The following DYRK4 variants were observed in gnomAD, a reference collection of about 807,000 sequenced individuals.
DYRK4 encodes dual specificity tyrosine phosphorylation regulated kinase 4, also known as dual specificity tyrosine-phosphorylation-regulated kinase 4.
A neutral mutation model predicts 68.3 loss-of-function variants in DYRK4; 64 were observed. The observed-to-expected ratio is 0.94, with a 90% CI of 0.77 to 1.15. The LOEUF is 1.15. Ranked by LOEUF, DYRK4 falls within the 50% of genes most tolerant of loss-of-function variation. The pLI, the probability that DYRK4 is intolerant of heterozygous loss-of-function variation, is 0.00. For synonymous variants in DYRK4, 274 were observed against 289.9 expected, an observed-to-expected ratio of 0.95 and a Z score of 0.56; for missense variants, 740 against 764.7, an observed-to-expected ratio of 0.97 and a Z score of 0.38.
At chr12:4,564,838 A>C (rs1944660835) in intron 1 of DYRK4, among the ~76,000 whole-genome samples, 1 of 152,232 alleles carries the variant, frequency 6.6e-6, no homozygotes, top group Non-Finnish European at 1.5e-5. Flanking sequence ...AAAATGCAGG[A>C]TCACCATCTA....
In DYRK4 at chr12:4,577,033, G is replaced by A. The variant is rs563975345; in HGVS notation, c.132+8985G>A. On this transcript the variant is annotated intron_variant, in intron 2 of 14. Coordinates refer to ENST00000543431, the MANE Select transcript of DYRK4 (RefSeq NM_001394779.1). ...AAGCCCAGCGTATCCATTTTTTTCC[G>A]TCATGATCGTGCTTTTTTATTGTAG... Among the ~76,000 whole-genome samples the A allele has an allele frequency of 2.8e-4, 43 of 152,072 alleles. 1 individual carries two copies. The highest frequency in any genetic ancestry group is 9.6e-4 in the East Asian group (5 of 5,184).
intron 8 of DYRK4, 89 bp from the exon 9 acceptor site, chr12:4,598,939 A>G (rs1945048978): frequency 1.4e-6 from 2 of 1,479,742 alleles, no homozygotes; most frequent in Admixed American, 3.5e-5. Flanking sequence ...CTAGACGGAA[A>G]CCAGGTGATA....
intron 12 of DYRK4, among the ~76,000 whole-genome samples, chr12:4,608,358 C>G (rs1192150745): frequency 6.6e-6 from 1 of 152,166 alleles, no homozygotes. Context: ...GCCCTCCCAC[C>G]TCTGATTTTC....
rs1475323103 is a variant in DYRK4, at chr12:4,591,527, CG to C, written c.463+232del. On this transcript the variant is annotated intron_variant, in intron 5 of 14. Coordinates refer to ENST00000543431, the MANE Select transcript of DYRK4 (RefSeq NM_001394779.1). This position sits in a 1 kb window ranked among gnomAD's most constrained non-coding sequence, Gnocchi z 4.1. ...CCCAAGGAGTGGCTCTGGGCAAGGG[CG>C]GGATGTACCAATGCAGACAGAAGGA... The C allele has an allele frequency of 1.9e-6, 1 of 536,522 alleles. No individual in the cohort carries two copies. The highest frequency in any genetic ancestry group is 3.0e-5 in the East Asian group (1 of 33,298). 33.2% of individuals were successfully genotyped at this position (536,522 alleles called of 1,614,324 possible).
intron 12 of DYRK4, 56 bp from the exon 13 acceptor site, chr12:4,610,099 T>C (rs1591809724): frequency 2.0e-6 from 3 of 1,498,724 alleles, no homozygotes; most frequent in Non-Finnish European, 1.8e-6. Context: ...AGCAGCATCA[T>C]GTGACCACTA....
chr12:4,610,216 C>G lies in DYRK4; in HGVS notation c.1422C>G (p.Ser474=), dbSNP rs767940556. 10 of 1,601,094 alleles carry G rather than the reference C, an allele frequency of 6.2e-6. No individual in the cohort carries two copies. Among genetic ancestry groups the G allele is most frequent in the Non-Finnish European group, 8.5e-6 (10 of 1,174,820 alleles). Residue 474 remains serine (S), a synonymous_variant, in exon 13 of 15, where the codon TCC becomes TCG. Coordinates refer to ENST00000543431, the MANE Select transcript of DYRK4 (RefSeq NM_001394779.1). ...GGGGGAAAAAAAGATACCCAGATTC[C>G]AAGGACCTCACGATGGTGCTGAAAA... is the stretch of plus-strand genomic sequence containing the variant. ...NNRGKKRYPD[S]KDLTMVLKTY...
At chr12:4,576,703 G>A (rs999825542) in intron 2 of DYRK4, among the ~76,000 whole-genome samples, 4 of 152,160 alleles carry the variant, frequency 2.6e-5, no homozygotes, top group African/African-American at 7.2e-5. Flanking sequence ...GGTTTTGGAC[G>A]TTCTAGTAGG....
At position 4,590,123 on chromosome 12, in the gene DYRK4, G is replaced by C. The variant is rs796805966; in HGVS notation, c.214-207G>C. 2.0e-5 allele frequency: 26 copies of C among 1,321,650 alleles called. No homozygotes were observed. The African/African-American group carries it at 3.9e-4, about 20-fold the overall frequency. 81.9% of individuals were successfully genotyped at this position (1,321,650 alleles called of 1,614,324 possible). ...TGCAGCTAGTAAGTAGTAGAGCAGGGACTCAAACCCAGAGCCCATGTGTTT... is the reference window on the plus strand; with the variant it reads ...TGCAGCTAGTAAGTAGTAGAGCAGGCACTCAAACCCAGAGCCCATGTGTTT... On this transcript the variant is annotated intron_variant, in intron 3 of 14. Transcript: ENST00000543431.
At chr12:4,572,485 C>CG (rs1411848384) in intron 2 of DYRK4, among the ~76,000 whole-genome samples, 1 of 152,132 alleles carries the variant, frequency 6.6e-6, no homozygotes, top group Non-Finnish European at 1.5e-5. Context: ...TTAGTAGAGA[C>CG]GGAGTTTCAC....
At chr12:4,580,096 A>G (rs1230038351) in intron 2 of DYRK4, among the ~76,000 whole-genome samples, 1 of 152,234 alleles carries the variant, frequency 6.6e-6, no homozygotes, top group Non-Finnish European at 1.5e-5. Flanking sequence ...ACCAAGGTGC[A>G]TTTAACAGAA....
chr12:4,593,173 G>T lies in DYRK4; in HGVS notation c.627+8G>T, dbSNP rs776182813. ...CATGGCTTCTATCTGAAGGTGATGG[G>T]GGTGGGGGCCATGGGAACCTGCAGG... On this transcript the variant is annotated splice_region_variant and intron_variant, in intron 6 of 14. Transcript: ENST00000543431. 5.0e-6 allele frequency: 8 copies of T among 1,612,770 alleles called. No individual in the cohort carries two copies. The highest frequency in any genetic ancestry group is 2.2e-5 in the East Asian group (1 of 44,882).
At chr12:4,575,554 C>T (rs11063244) in intron 2 of DYRK4, among the ~76,000 whole-genome samples, 53,586 of 151,872 alleles carry the variant, frequency 0.35, 10,905 homozygotes, top group Middle Eastern at 0.47. Flanking sequence ...CGTGATCCAC[C>T]CGCCCCGACC....
chr12:4,568,649 G>A (rs1172010168), intron 2 of DYRK4, among the ~76,000 whole-genome samples: 1 of 152,152 alleles, frequency 6.6e-6, no homozygotes, highest in African/African-American at 2.4e-5. Context: ...GCCTCCCAAA[G>A]GGCTGGGATT....
At chr12:4,606,097 A>AT (rs1410881082) in intron 11 of DYRK4, among the ~76,000 whole-genome samples, 3 of 152,246 alleles carry the variant, frequency 2.0e-5, no homozygotes, top group Non-Finnish European at 4.4e-5. Context: ...CTATCTCCTA[A>AT]TAGCAAGGCT....
At position 4,612,640 on chromosome 12, in the gene DYRK4, C is replaced by G. The variant is rs35113975; in HGVS notation, c.1588C>G (p.Leu530Val). The G allele has an allele frequency of 2.5e-6, 4 of 1,614,238 alleles. No individual in the cohort carries two copies. Among genetic ancestry groups the G allele is most frequent in the Non-Finnish European group, 3.4e-6 (4 of 1,180,040 alleles). ...CAAGCCACAGCCCAGGCCCCAGACC[C>G]TGAGGAAATCCAATTCCTTTTTCCC... is the stretch of plus-strand genomic sequence containing the variant. ...NLKPQPRPQT[L>V]RKSNSFFPSE... is the part of the protein sequence containing the mutation. The change falls in exon 14 of 15, where the codon CTG (leucine) becomes GTG (valine). Residue 530 changes from leucine to valine, a missense_variant. Physicochemically the swap from Leu to Val is conservative, Grantham distance 32. Coordinates refer to ENST00000543431, the MANE Select transcript of DYRK4 (RefSeq NM_001394779.1).
chr12:4,599,779 C>A lies in DYRK4; in HGVS notation c.1117C>A (p.His373Asn). 6.2e-7 allele frequency: 1 copy of A among 1,613,884 alleles called. No individual in the cohort carries two copies. Residue 373 changes from histidine to asparagine, a missense_variant, in exon 10 of 15, where the codon CAC becomes AAC. His to Asn is a moderately conservative substitution (Grantham distance 68). This residue lies in a region of DYRK4 where 614 missense variants were observed against 603.7 expected (regional missense o/e 1.02). Coordinates refer to ENST00000543431, the MANE Select transcript of DYRK4 (RefSeq NM_001394779.1). ...TGACTTTGGATCAAGCTGTTATGAA[C>A]ACCAGAAAGGTGAGCCCCATGTCAG... ...VIDFGSSCYE[H>N]QKVYTYIQSR...
At chr12:4,598,905 T>G in intron 8 of DYRK4, 123 bp from the exon 9 acceptor site, 1 of 1,127,712 alleles carries the variant, frequency 8.9e-7, no homozygotes, top group Non-Finnish European at 1.3e-6. Context: ...AAGCCTTGCC[T>G]CCTGGCCTGA....
At position 4,599,542 on chromosome 12, in the gene DYRK4, G is replaced by A. The variant is rs186023635; in HGVS notation, c.1045-165G>A. Reference sequence around the variant, plus strand: ...GAGAAACGCCGACCACAAGTCAAATGGAAAGTCAGAGCGGAGGATGATGGG... The same window carrying A: ...GAGAAACGCCGACCACAAGTCAAATAGAAAGTCAGAGCGGAGGATGATGGG... On this transcript the variant is annotated intron_variant, in intron 9 of 14. Coordinates refer to ENST00000543431, the MANE Select transcript of DYRK4 (RefSeq NM_001394779.1). 96 of 593,510 alleles carry A rather than the reference G, an allele frequency of 1.6e-4. No homozygotes were observed. The East Asian group carries it at 2.7e-3, about 17-fold the overall frequency. 36.8% of individuals were successfully genotyped at this position (593,510 alleles called of 1,614,324 possible).
At position 4,610,262 on chromosome 12, in the gene DYRK4, G is replaced by T. The variant is rs772850145; in HGVS notation, c.1468G>T (p.Asp490Tyr). 18 of 1,580,834 alleles carry T rather than the reference G, an allele frequency of 1.1e-5. No homozygotes were observed. The highest frequency in any genetic ancestry group is 1.4e-5 in the Non-Finnish European group (16 of 1,167,226). The change falls in exon 13 of 15, where the codon GAC (aspartate) becomes TAC (tyrosine). Residue 490 changes from aspartate to tyrosine, a missense_variant. Asp to Tyr is a radical substitution (Grantham distance 160). This residue lies in a region of DYRK4 where 614 missense variants were observed against 603.7 expected (regional missense o/e 1.02). Transcript: ENST00000543431. ...VLKTYDTSFLDFLRRCLVWEP... is the reference protein window; with the variant it reads ...VLKTYDTSFLYFLRRCLVWEP... ...GAAAACCTATGACACCAGCTTCCTG[G>T]ACTTTCTCAGAAGGTGTTTGGTGTG... is the stretch of plus-strand genomic sequence containing the variant.
Sources: allele counts gnomAD v4.1 joint callset (sites outside exome capture counted in the v4.1 genomes callset), GRCh38; gene constraint gnomAD v4.1.1; regional missense constraint gnomAD v4.1.1; non-coding constraint Gnocchi (gnomAD v3.1); transcripts MANE v1.5; gene names NCBI Gene and HGNC (gene_info 2026-07-23, HGNC 2026-07-21).